MAPRE2: variants seen among roughly 807,000 people sequenced by gnomAD.
The protein encoded by MAPRE2 is microtubule-associated protein RP/EB family member 2.
A neutral mutation model predicts 43.2 loss-of-function variants in MAPRE2; 13 were observed. The observed-to-expected ratio is 0.30, with a 90% CI of 0.20 to 0.48. The LOEUF (loss-of-function observed/expected upper bound fraction) is 0.48, where lower values mean the gene tolerates loss of function less well. Ranked by LOEUF, MAPRE2 falls within the 20% of genes least tolerant of loss-of-function variation. The pLI, the probability that MAPRE2 is intolerant of heterozygous loss-of-function variation, is 0.99. For missense variants in MAPRE2, 161 were observed against 400.2 expected (o/e 0.40, Z 5.10); for synonymous variants, 135 against 148.8 (o/e 0.91, Z 0.68).
intron 2 of MAPRE2, among the ~76,000 whole-genome samples, chr18:35,075,485 G>C (rs1010106859): frequency 6.6e-6 from 1 of 152,104 alleles, no homozygotes; most frequent in Non-Finnish European, 1.5e-5. Flanking sequence ...ACCAAGTAAG[G>C]ATATTCTTTC....
chr18:35,086,638 A>G (rs1310319664), intron 2 of MAPRE2, among the ~76,000 whole-genome samples: 1 of 152,040 alleles, frequency 6.6e-6, no homozygotes, highest in Non-Finnish European at 1.5e-5. Context: ...CAATTTTTAC[A>G]TATAATTTCC....
intron 2 of MAPRE2, among the ~76,000 whole-genome samples, chr18:35,017,255 T>C (rs1603390495): frequency 6.6e-6 from 1 of 150,888 alleles, no homozygotes; most frequent in African/African-American, 2.4e-5. Context: ...TTTTTTTTTT[T>C]TTTTTTTGCA....
intron 3 of MAPRE2, among the ~76,000 whole-genome samples, chr18:35,101,017 C>A (rs574486694): frequency 6.6e-6 from 1 of 152,076 alleles, no homozygotes; most frequent in African/African-American, 2.4e-5. Context: ...CCATCCTGGG[C>A]GACAAGAGTG....
At chr18:35,022,150 C>A (rs922598675) in intron 2 of MAPRE2, among the ~76,000 whole-genome samples, 23 of 152,164 alleles carry the variant, frequency 1.5e-4, no homozygotes, top group South Asian at 2.1e-4. Flanking sequence ...GTCTCTGTAT[C>A]TCTCAAAAAA....
intron 2 of MAPRE2, among the ~76,000 whole-genome samples, chr18:35,018,223 G>A (rs1424596371): frequency 6.6e-6 from 1 of 151,970 alleles, no homozygotes; most frequent in Non-Finnish European, 1.5e-5. Context: ...GTATTTTGGT[G>A]AGGATTTTTG....
chr18:35,045,574 A>G (rs1337394303), intron 1 of MAPRE2, among the ~76,000 whole-genome samples: 1 of 152,242 alleles, frequency 6.6e-6, no homozygotes, highest in Non-Finnish European at 1.5e-5. Flanking sequence ...TAAGGAAAAC[A>G]AAGAGAAATA....
Position 35,030,220 on chromosome 18 carries a change from C to A in MAPRE2, c.-8+24667C>A, listed in dbSNP as rs1055748664. On this transcript the variant is annotated intron_variant, in intron 2 of 7. Transcript: ENST00000413393. ...TCATGGATACTGCTATCCTGTACAG[C>A]CTCCCATCCCTGGGTCCTTTTTATT... Among the ~76,000 whole-genome samples the A allele has an allele frequency of 3.2e-4, 49 of 152,302 alleles. 1 individual carries two copies. Among genetic ancestry groups the A allele is most frequent in the African/African-American group, 9.1e-4 (38 of 41,554 alleles).
chr18:35,071,888 A>G (rs904823371), intron 2 of MAPRE2, among the ~76,000 whole-genome samples: 3 of 152,232 alleles, frequency 2.0e-5, no homozygotes, highest in Admixed American at 6.5e-5. Context: ...TCACAAATCT[A>G]TGCCTAGGTC....
intron 5 of MAPRE2, among the ~76,000 whole-genome samples, chr18:35,131,663 T>G (rs1910151716): frequency 6.6e-6 from 1 of 152,132 alleles, no homozygotes; most frequent in African/African-American, 2.4e-5. Context: ...CATACACATT[T>G]TGAGGAGATA....
chr18:35,001,895 A>G (rs2097029569), intron 1 of MAPRE2, among the ~76,000 whole-genome samples: 1 of 152,210 alleles, frequency 6.6e-6, no homozygotes, highest in African/African-American at 2.4e-5. Flanking sequence ...ATGATTGTAC[A>G]GTAAGATGTA....
chr18:35,140,859 G>GAAAC lies in MAPRE2; in HGVS notation c.*492_*495dup, dbSNP rs908112295. 1.3e-5 allele frequency: 2 copies of GAAAC among 153,690 alleles called. No individual in the cohort carries two copies. Among genetic ancestry groups the GAAAC allele is most frequent in the African/African-American group, 4.8e-5 (2 of 41,486 alleles). 9.5% of individuals were successfully genotyped at this position (153,690 alleles called of 1,614,324 possible). A position where few individuals can be genotyped will look rare whatever the true frequency, so the allele number is the denominator to read the frequency against. ...TTTGGTCAAATAATTGGAACAAAGG[G>GAAAC]AAACAGATACTTGATATGAAAGCCA... On this transcript the variant is annotated 3_prime_UTR_variant, in exon 7 of 7. Transcript: ENST00000300249.
chr18:35,101,739 T>C (rs1376741973), intron 3 of MAPRE2, among the ~76,000 whole-genome samples: 1 of 152,222 alleles, frequency 6.6e-6, no homozygotes, highest in Admixed American at 6.5e-5. Flanking sequence ...TATGACTGAA[T>C]AGTACTCCAT....
intron 1 of MAPRE2, among the ~76,000 whole-genome samples, chr18:34,985,339 A>C (rs1603386206): frequency 2.2e-5 from 1 of 45,174 alleles, no homozygotes; most frequent in Non-Finnish European, 3.6e-5. Flanking sequence ...ATAATATATA[A>C]TATATTATAT....
At chr18:35,062,307 C>T (rs994513865) in intron 1 of MAPRE2, among the ~76,000 whole-genome samples, 2 of 152,146 alleles carry the variant, frequency 1.3e-5, no homozygotes, top group Non-Finnish European at 2.9e-5. Context: ...GTACAATTTG[C>T]AGGTTATTTT....
chr18:35,070,344 GT>G (rs974282121), intron 2 of MAPRE2, 22 bp downstream of exon 2: 5 of 1,564,602 alleles, frequency 3.2e-6, no homozygotes, highest in Non-Finnish European at 4.3e-6. Context: ...TCTTTTAAGT[GT>G]TTACCTAAAT....
At chr18:35,136,809 C>T (rs1910411224) in intron 6 of MAPRE2, among the ~76,000 whole-genome samples, 1 of 152,176 alleles carries the variant, frequency 6.6e-6, no homozygotes, top group South Asian at 2.1e-4. Flanking sequence ...ATACCATCTT[C>T]CAGTTTGCCT....
intron 4 of MAPRE2, among the ~76,000 whole-genome samples, chr18:35,112,411 T>A (rs1909216474): frequency 6.6e-6 from 1 of 152,166 alleles, no homozygotes; most frequent in Non-Finnish European, 1.5e-5. Flanking sequence ...CCTCAGGTGA[T>A]CCACATGCCT....
At position 35,114,528 on chromosome 18, in the gene MAPRE2, G is replaced by A. The variant is rs58741451; in HGVS notation, c.610+12369G>A. On this transcript the variant is annotated intron_variant, in intron 4 of 6. Transcript: ENST00000300249. ...GCTCAAAAGCAGAAGTGTATACAAAGCCAAGAATATTGAGCCCTAGATTAG... is the reference window on the plus strand; with the variant it reads ...GCTCAAAAGCAGAAGTGTATACAAAACCAAGAATATTGAGCCCTAGATTAG... Among the ~76,000 whole-genome samples the A allele has an allele frequency of 1.2e-3, 184 of 152,156 alleles. 1 individual carries two copies. The highest frequency in any genetic ancestry group is 4.3e-3 in the African/African-American group (178 of 41,494).
At chr18:35,097,348 A>T in intron 2 of MAPRE2, 98 bp from the exon 3 acceptor site, 2 of 1,042,968 alleles carry the variant, frequency 1.9e-6, no homozygotes, top group Non-Finnish European at 2.9e-6. Context: ...CTGAGTGATG[A>T]TGGTGCCTGT....
Sources: gnomAD v4.1 joint callset for allele counts (sites outside exome capture counted in the v4.1 genomes callset) on GRCh38, gnomAD v4.1.1 for gene constraint, MANE v1.5 for transcripts, NCBI Gene and HGNC (gene_info 2026-07-23, HGNC 2026-07-21) for gene names.